The following COPS3 variants were observed in gnomAD, a reference collection of about 807,000 sequenced individuals.
The protein encoded by COPS3 is COP9 signalosome complex subunit 3.
Under a neutral mutation model 58.2 loss-of-function variants are expected in COPS3, and 10 were observed. The observed-to-expected ratio is 0.17, with a 90% CI of 0.11 to 0.29. COPS3 has a LOEUF of 0.29. Among genes scored for constraint, COPS3 ranks in the 10% least tolerant of loss-of-function variants. The pLI is 1.00. For synonymous variants in COPS3, 187 were observed against 181.7 expected, an observed-to-expected ratio of 1.03 and a Z score of -0.24; for missense variants, 333 against 510.1, an observed-to-expected ratio of 0.65 and a Z score of 3.34.
At chr17:17,280,551 AAG>A (rs200400499) in intron 1 of COPS3, 16,168 of 1,149,100 alleles carry the variant, frequency 0.014, 42 homozygotes, top group South Asian at 0.041. Context: ...AAAAAAAACA[AAG>A]AAGAAGAAAT....
At chr17:17,269,778 A>G (rs746322758) in intron 4 of COPS3, among the ~76,000 whole-genome samples, 1 of 152,178 alleles carries the variant, frequency 6.6e-6, no homozygotes, top group Non-Finnish European at 1.5e-5. Flanking sequence ...CCAAACAGCT[A>G]ATGTCCTTTT....
At position 17,254,943 on chromosome 17, in the gene COPS3, G is replaced by T; in HGVS notation, c.939C>A (p.Thr313=). 1 of 1,609,682 alleles carries T rather than the reference G, an allele frequency of 6.2e-7. No homozygotes were observed. Among genetic ancestry groups the T allele is most frequent in the Non-Finnish European group, 8.5e-7 (1 of 1,176,902 alleles). ...YKKNIQRLTK[T]FLTLSLQDMA... ...TATCTTGTAATGATAGAGTTAAAAA[G>T]GTCTGAAAGTCAGAAGCAGAATTAG... The change falls in exon 9 of 12, where the codon ACC becomes ACA. Residue 313 remains threonine (T), a splice_region_variant and synonymous_variant. Transcript: ENST00000268717.
chr17:17,253,048 A>G lies in COPS3; in HGVS notation c.1023+1811T>C, dbSNP rs888408968. On this transcript the variant is annotated intron_variant, in intron 9 of 11. Transcript: ENST00000268717. ...CAAGTTATGCCTGGCCAACATAAAG[A>G]GACCCTGCCTGTACAAAAAATTTAA... Among the ~76,000 whole-genome samples the G allele has an allele frequency of 5.9e-5, 9 of 152,298 alleles. 1 individual carries two copies. Among genetic ancestry groups the G allele is most frequent in the Admixed American group, 5.9e-4 (9 of 15,296 alleles).
intron 8 of COPS3, among the ~76,000 whole-genome samples, chr17:17,256,671 G>C (rs1174776987): frequency 2.0e-5 from 3 of 152,154 alleles, no homozygotes; most frequent in Non-Finnish European, 4.4e-5. Flanking sequence ...CGCAATCACA[G>C]TTCATAGCAG....
At chr17:17,247,420 G>T in intron 11 of COPS3, 60 bp downstream of exon 11, 1 of 1,470,140 alleles carries the variant, frequency 6.8e-7, no homozygotes, top group African/African-American at 1.4e-5. Flanking sequence ...TGTGCCTGAT[G>T]TGACAACACC....
At chr17:17,278,253 G>A (rs769419418) in intron 1 of COPS3, among the ~76,000 whole-genome samples, 9 of 152,092 alleles carry the variant, frequency 5.9e-5, no homozygotes, top group Non-Finnish European at 1.0e-4. Context: ...CTGTCTTTCT[G>A]GTAACAGTGA....
intron 9 of COPS3, among the ~76,000 whole-genome samples, chr17:17,251,849 G>A (rs2047851012): frequency 6.6e-6 from 1 of 151,440 alleles, no homozygotes; most frequent in African/African-American, 2.4e-5. Context: ...ACTTTGGGAG[G>A]CCGAGGTCAG....
intron 6 of COPS3, among the ~76,000 whole-genome samples, chr17:17,262,436 A>AT: frequency 6.6e-6 from 1 of 152,148 alleles, no homozygotes; most frequent in African/African-American, 2.4e-5. Context: ...TAATTTTAAA[A>AT]TTTTTTGTAG....
At chr17:17,268,851 A>AATAT (rs55839656) in intron 4 of COPS3, among the ~76,000 whole-genome samples, 3 of 148,960 alleles carry the variant, frequency 2.0e-5, no homozygotes, top group Non-Finnish European at 4.5e-5. Context: ...CAACAACAAA[A>AATAT]ATATATATAT....
In COPS3 at chr17:17,253,124, G is replaced by A. The variant is rs186541548; in HGVS notation, c.1023+1735C>T. ...ATCTGTAGTCACAGCTACTTGGGAG[G>A]CTGAGGTGAGAGGATCATTTAAGCC... On this transcript the variant is annotated intron_variant, in intron 9 of 11. Coordinates refer to ENST00000268717, the MANE Select transcript of COPS3 (RefSeq NM_003653.4). Among the ~76,000 whole-genome samples, 56 of 152,238 alleles carry A rather than the reference G, an allele frequency of 3.7e-4. 1 individual carries two copies. Among genetic ancestry groups the A allele is most frequent in the Admixed American group, 3.5e-3 (53 of 15,278 alleles).
At chr17:17,270,492 T>A (rs1322975331) in intron 4 of COPS3, among the ~76,000 whole-genome samples, 1 of 152,130 alleles carries the variant, frequency 6.6e-6, no homozygotes, top group Non-Finnish European at 1.5e-5. Flanking sequence ...TATTACAACA[T>A]AAAGGGTACT....
intron 1 of COPS3, chr17:17,280,547 A>C (rs1254197601): frequency 7.6e-6 from 8 of 1,046,344 alleles, no homozygotes; most frequent in Non-Finnish European, 3.7e-6. Context: ...GCTAAAAAAA[A>C]ACAAAGAAGA....
intron 1 of COPS3, chr17:17,280,438 TA>T: frequency 1.7e-6 from 1 of 591,222 alleles, no homozygotes; most frequent in Non-Finnish European, 2.3e-6. Flanking sequence ...CGGGCGCCTG[TA>T]ATCTCAGCTA....
intron 2 of COPS3, among the ~76,000 whole-genome samples, chr17:17,273,084 G>A (rs966215017): frequency 6.6e-6 from 1 of 152,104 alleles, no homozygotes; most frequent in Non-Finnish European, 1.5e-5. Context: ...GGATATTGTG[G>A]TTGTCATGAC....
intron 4 of COPS3, among the ~76,000 whole-genome samples, chr17:17,270,143 C>T (rs920865766): frequency 6.7e-6 from 1 of 149,200 alleles, no homozygotes; most frequent in South Asian, 2.2e-4. Context: ...GGCATCAGAG[C>T]GAGACTCTGT....
rs765419056 is a variant in COPS3, at chr17:17,254,864, G to A, written c.1018C>T (p.His340Tyr). 3.2e-6 allele frequency: 5 copies of A among 1,574,942 alleles called. No individual in the cohort carries two copies. The highest frequency in any genetic ancestry group is 3.5e-6 in the Non-Finnish European group (4 of 1,147,162). Residue 340 changes from histidine (H) to tyrosine (Y), a missense_variant, in exon 9 of 12, where the codon CAC becomes TAC. Coordinates refer to ENST00000268717, the MANE Select transcript of COPS3 (RefSeq NM_003653.4). ...GPQEAEKYVL[H>Y]MIEDGEIFAS... The stretch of plus-strand genomic sequence containing the variant: ...GAAAAAGAAAATCCACTTACCATGT[G>A]CAGAACGTATTTCTCTGCCTCCTGA...
At position 17,281,128 on chromosome 17, in the gene COPS3, T is replaced by A. The variant is rs1290195118; in HGVS notation, c.55+4A>T. On this transcript the variant is annotated splice_donor_region_variant and intron_variant, in intron 1 of 11. Coordinates refer to ENST00000268717, the MANE Select transcript of COPS3 (RefSeq NM_003653.4). Reference sequence around the variant, plus strand: ...ATGCCCAGCCCGGCGGCCTAGGGCGTTACCTTGAGCTGAGAGCTGTCGGAC... The same window carrying A: ...ATGCCCAGCCCGGCGGCCTAGGGCGATACCTTGAGCTGAGAGCTGTCGGAC... 6.2e-7 allele frequency: 1 copy of A among 1,608,980 alleles called. No homozygotes were observed. The highest frequency in any genetic ancestry group is 1.1e-5 in the South Asian group (1 of 89,922).
At chr17:17,267,828 GC>G (rs2048261804) in intron 5 of COPS3, 56 bp downstream of exon 5, 2 of 1,553,064 alleles carry the variant, frequency 1.3e-6, no homozygotes, top group Admixed American at 1.8e-5. Context: ...TGTTGAGCAA[GC>G]CCATAAACAA....
chr17:17,259,510 A>G (rs1034225804), intron 8 of COPS3, among the ~76,000 whole-genome samples: 4 of 152,236 alleles, frequency 2.6e-5, no homozygotes, highest in Admixed American at 6.5e-5. Context: ...TAAAAATTAT[A>G]TAATTGGCTT....
Sources: allele counts gnomAD v4.1 joint callset (sites outside exome capture counted in the v4.1 genomes callset), GRCh38; gene constraint gnomAD v4.1.1; transcripts MANE v1.5; gene names NCBI Gene and HGNC (gene_info 2026-07-23, HGNC 2026-07-21).